Variants in TMEM132D observed in about 807,000 individuals in gnomAD.
TMEM132D encodes the protein transmembrane protein 132D, also known as mature OL transmembrane protein.
Under a neutral mutation model 62.3 loss-of-function variants are expected in TMEM132D, and 21 were observed. The observed-to-expected ratio is 0.34, with a 90% CI of 0.24 to 0.49. The LOEUF (loss-of-function observed/expected upper bound fraction) is 0.49, where lower values mean the gene tolerates loss of function less well. TMEM132D is among the 20% of genes least tolerant of loss of function. The probability of loss-of-function intolerance (pLI) is 0.99; values close to 1 mark genes in which losing one functional copy is unlikely to be tolerated. For missense variants in TMEM132D, 1,346 were observed against 1,402.8 expected, an observed-to-expected ratio of 0.96 and a Z score of 0.65; for synonymous variants, 621 against 575.6, an observed-to-expected ratio of 1.08 and a Z score of -1.13.
chr12:129,692,070 C>G (rs1490307681), intron 2 of TMEM132D, among the ~76,000 whole-genome samples: 1 of 151,918 alleles, frequency 6.6e-6, no homozygotes, highest in African/African-American at 2.4e-5. Context: ...TCCGAGCAAG[C>G]AGAAGCAGAG....
chr12:129,084,198 T>C (rs1874539989), intron 6 of TMEM132D, among the ~76,000 whole-genome samples: 1 of 152,032 alleles, frequency 6.6e-6, no homozygotes, highest in South Asian at 2.1e-4. Context: ...AGTAACTAGA[T>C]AAGGGAGGCC....
At chr12:129,530,655 G>C (rs559127574) in intron 3 of TMEM132D, among the ~76,000 whole-genome samples, 6 of 152,304 alleles carry the variant, frequency 3.9e-5, no homozygotes, top group African/African-American at 1.4e-4. Context: ...TGCAAACGTG[G>C]AATGCACCCG....
chr12:129,606,246 G>A (rs1382586010), intron 2 of TMEM132D, among the ~76,000 whole-genome samples: 2 of 152,094 alleles, frequency 1.3e-5, no homozygotes, highest in Admixed American at 6.5e-5. Context: ...CTCTAGTTCA[G>A]AAAGCTTCAA....
At chr12:129,782,632 T>C (rs199618724) in intron 1 of TMEM132D, among the ~76,000 whole-genome samples, 2 of 152,172 alleles carry the variant, frequency 1.3e-5, no homozygotes, top group South Asian at 4.1e-4. Context: ...GATAAATCCA[T>C]GTAAGTCACA....
chr12:129,319,547 T>G (rs1868612468), intron 4 of TMEM132D, among the ~76,000 whole-genome samples: 1 of 152,200 alleles, frequency 6.6e-6, no homozygotes, highest in Non-Finnish European at 1.5e-5. Flanking sequence ...ATCACATTTC[T>G]GAATTATCAA....
At chr12:129,660,600 C>G (rs1880211302) in intron 2 of TMEM132D, among the ~76,000 whole-genome samples, 1 of 152,066 alleles carries the variant, frequency 6.6e-6, no homozygotes, top group Non-Finnish European at 1.5e-5. Flanking sequence ...TAAATGTGTC[C>G]AGGATGGCAG....
intron 5 of TMEM132D, among the ~76,000 whole-genome samples, chr12:129,205,481 A>C (rs1174763684): frequency 6.6e-6 from 1 of 152,184 alleles, no homozygotes; most frequent in Non-Finnish European, 1.5e-5. Context: ...CTAACTATAC[A>C]TGCATCCAAT....
chr12:129,745,724 G>A (rs1047809162), intron 1 of TMEM132D, among the ~76,000 whole-genome samples: 16 of 152,290 alleles, frequency 1.1e-4, no homozygotes, highest in African/African-American at 3.6e-4. Flanking sequence ...CTGCCTGGAG[G>A]TAACTCTGGA....
chr12:129,518,083 G>GT (rs919458757), intron 3 of TMEM132D, among the ~76,000 whole-genome samples: 1 of 152,032 alleles, frequency 6.6e-6, no homozygotes, highest in East Asian at 1.9e-4. Context: ...TTCAAAGAAA[G>GT]TTTTTTCCCC....
At chr12:129,090,367 T>C (rs1470530320) in intron 5 of TMEM132D, among the ~76,000 whole-genome samples, 1 of 152,130 alleles carries the variant, frequency 6.6e-6, no homozygotes, top group Non-Finnish European at 1.5e-5. Flanking sequence ...GTGAGCTGAC[T>C]TCTCAAAAGA....
intron 3 of TMEM132D, among the ~76,000 whole-genome samples, chr12:129,520,597 G>T (rs199952521): frequency 2.2e-5 from 2 of 90,674 alleles, no homozygotes; most frequent in African/African-American, 6.2e-5. Context: ...ATTGTGAAAA[G>T]ATTGTTATTG....
chr12:129,810,449 T>C (rs1872135831), intron 1 of TMEM132D, among the ~76,000 whole-genome samples: 1 of 152,166 alleles, frequency 6.6e-6, no homozygotes, highest in Admixed American at 6.5e-5. Flanking sequence ...TTTGGTAGTA[T>C]GTGTGTGTAA....
At chr12:129,483,469 A>G (rs928909123) in intron 3 of TMEM132D, among the ~76,000 whole-genome samples, 7 of 152,226 alleles carry the variant, frequency 4.6e-5, no homozygotes, top group African/African-American at 1.7e-4. Flanking sequence ...AACTCTTACA[A>G]TATTCTAACC....
At position 129,883,414 on chromosome 12, in the gene TMEM132D, T is replaced by C. The variant is rs567320634; in HGVS notation, c.79+19847A>G. ...TGTCAGACATACCATGTTTATGAACTACAGAACTCATTATTATTAAGATGG... is the reference window on the plus strand; with the variant it reads ...TGTCAGACATACCATGTTTATGAACCACAGAACTCATTATTATTAAGATGG... On this transcript the variant is annotated intron_variant, in intron 1 of 8. Transcript: ENST00000422113. Among the ~76,000 whole-genome samples, 230 of 152,318 alleles carry C rather than the reference T, an allele frequency of 1.5e-3. 1 individual carries two copies. Among genetic ancestry groups the C allele is most frequent in the Middle Eastern group, 6.8e-3 (2 of 294 alleles).
In TMEM132D at chr12:129,829,074, T is replaced by C. The variant is rs535934776; in HGVS notation, c.79+74187A>G. ...CTACCAACTTCTAGACTTCTTTTTA[T>C]GTGAGACAAACAAGCCCAAAGATGG... On this transcript the variant is annotated intron_variant, in intron 1 of 8. Transcript: ENST00000422113. 2.0e-5 allele frequency among the ~76,000 whole-genome samples: 3 copies of C among 152,180 alleles called. No homozygotes were observed. In the East Asian group the frequency reaches 5.8e-4, roughly 30 times the overall value.
intron 5 of TMEM132D, among the ~76,000 whole-genome samples, chr12:129,207,060 C>T (rs1878869612): frequency 6.6e-6 from 1 of 152,040 alleles, no homozygotes; most frequent in Non-Finnish European, 1.5e-5. Flanking sequence ...ACGCAGGTGA[C>T]CTATTAATAT....
At chr12:129,134,043 A>G (rs951113157) in intron 5 of TMEM132D, among the ~76,000 whole-genome samples, 2 of 151,778 alleles carry the variant, frequency 1.3e-5, no homozygotes, top group African/African-American at 4.9e-5. Context: ...CAATACCTGA[A>G]GCTCATAGGA....
intron 1 of TMEM132D, among the ~76,000 whole-genome samples, chr12:129,804,558 T>G (rs1274889300): frequency 1.3e-5 from 2 of 150,084 alleles, no homozygotes; most frequent in East Asian, 2.0e-4. Context: ...ATAAGAGCTA[T>G]CTATGACAAA....
At chr12:129,130,304 C>T (rs1462077222) in intron 5 of TMEM132D, among the ~76,000 whole-genome samples, 1 of 144,580 alleles carries the variant, frequency 6.9e-6, no homozygotes, top group African/African-American at 2.6e-5. Context: ...GGTTCAGCCT[C>T]CTCATCCCAG....
Sources: allele counts gnomAD v4.1 joint callset (sites outside exome capture counted in the v4.1 genomes callset), GRCh38; gene constraint gnomAD v4.1.1; transcripts MANE v1.5; gene names NCBI Gene and HGNC (gene_info 2026-07-23, HGNC 2026-07-21).